The following DGKB variants were observed in gnomAD, a reference collection of about 807,000 sequenced individuals.
The protein encoded by DGKB is 90 kDa diacylglycerol kinase.
In DGKB, 67 loss-of-function variants were observed where a neutral mutation model predicts 114.3. The observed-to-expected ratio is 0.59, with a 90% CI of 0.48 to 0.72. DGKB has a LOEUF of 0.72. Ranked by LOEUF, DGKB falls within the 30% of genes least tolerant of loss-of-function variation. The pLI, the probability that DGKB is intolerant of heterozygous loss-of-function variation, is 0.00. For synonymous variants in DGKB, 398 were observed against 323.1 expected, an observed-to-expected ratio of 1.23 and a Z score of -2.49; for missense variants, 907 against 975.2, an observed-to-expected ratio of 0.93 and a Z score of 0.93.
intron 21 of DGKB, among the ~76,000 whole-genome samples, chr7:14,463,637 A>T (rs903142543): frequency 6.6e-6 from 1 of 152,186 alleles, no homozygotes; most frequent in Non-Finnish European, 1.5e-5. Context: ...CCTGAGCAAA[A>T]GAAGTCTTTT....
At chr7:14,744,156 C>T (rs1258587098) in intron 4 of DGKB, among the ~76,000 whole-genome samples, 1 of 152,196 alleles carries the variant, frequency 6.6e-6, no homozygotes. Flanking sequence ...AAGCTATACT[C>T]ATGTGAACAA....
chr7:14,261,866 G>C (rs1438859875), intron 23 of DGKB, among the ~76,000 whole-genome samples: 1 of 152,096 alleles, frequency 6.6e-6, no homozygotes. Context: ...TTCTTGGAAA[G>C]CAATTGGCAT....
chr7:14,800,713 T>C lies in DGKB; in HGVS notation c.70+40481A>G, dbSNP rs532736247. On this transcript the variant is annotated intron_variant, in intron 2 of 25. Coordinates refer to ENST00000402815, the MANE Select transcript of DGKB (RefSeq NM_001350709.2). ...CTATCAGGAGACCCAATGTTTCTAC[T>C]GAACTGGAAGTTAAGACTGCCAGGC... Among the ~76,000 whole-genome samples, 7 of 152,220 alleles carry C rather than the reference T, an allele frequency of 4.6e-5. No homozygotes were observed. In the South Asian group the frequency reaches 1.4e-3, roughly 32 times the overall value.
chr7:14,176,567 A>C, intron 25 of DGKB: 1 of 1,128,458 alleles, frequency 8.9e-7, no homozygotes, highest in Non-Finnish European at 1.1e-6. Flanking sequence ...TCCATAGTTT[A>C]TAATTGATCT....
intron 23 of DGKB, among the ~76,000 whole-genome samples, chr7:14,239,605 T>C (rs1250628674): frequency 1.3e-5 from 2 of 151,892 alleles, no homozygotes; most frequent in Non-Finnish European, 2.9e-5. Context: ...CATTTTAGGA[T>C]AGGAAAAAAG....
chr7:14,586,407 A>G (rs1453885981), intron 17 of DGKB, among the ~76,000 whole-genome samples: 1 of 152,094 alleles, frequency 6.6e-6, no homozygotes, highest in Non-Finnish European at 1.5e-5. Context: ...GTTTGATGCA[A>G]GCAGATGTTG....
At chr7:14,642,490 T>A (rs979333044) in intron 13 of DGKB, among the ~76,000 whole-genome samples, 7 of 152,166 alleles carry the variant, frequency 4.6e-5, no homozygotes, top group African/African-American at 1.7e-4. Flanking sequence ...CAAATACAAC[T>A]ACACCGATTA....
In DGKB at chr7:14,773,923, GA is replaced by G. The variant is rs34287259; in HGVS notation, c.71-16193del. On this transcript the variant is annotated intron_variant, in intron 2 of 25. Transcript: ENST00000402815. ...GTTTTGTAGTCTCTCGGCAAAGGGGGAAAAAGGCTCCTACACAATAAGCTCA... is the reference window on the plus strand; with the variant it reads ...GTTTTGTAGTCTCTCGGCAAAGGGGGAAAAGGCTCCTACACAATAAGCTCA... Among the ~76,000 whole-genome samples, 31 of 152,060 alleles carry G rather than the reference GA, an allele frequency of 2.0e-4. No homozygotes were observed. In the South Asian group the frequency reaches 2.7e-3, roughly 13 times the overall value.
chr7:14,924,919 C>T (rs114642731), intron 1 of DGKB, among the ~76,000 whole-genome samples: 1,800 of 152,242 alleles, frequency 0.012, 44 homozygotes, highest in African/African-American at 0.041. Flanking sequence ...CTCCCTGCTG[C>T]ACAGCTTCTC....
chr7:14,970,039 T>C (rs1489888251), intron 1 of DGKB, among the ~76,000 whole-genome samples: 1 of 152,198 alleles, frequency 6.6e-6, no homozygotes, highest in Non-Finnish European at 1.5e-5. Context: ...TTATGTGGCA[T>C]GTGACTGTAT....
intron 23 of DGKB, among the ~76,000 whole-genome samples, chr7:14,222,724 C>G (rs2128325745): frequency 6.6e-6 from 1 of 151,490 alleles, no homozygotes; most frequent in East Asian, 1.9e-4. Context: ...TTATTTCTAC[C>G]TAATTATTCT....
At position 14,694,108 on chromosome 7, in the gene DGKB, C is replaced by T. The variant is rs779959280; in HGVS notation, c.678G>A (p.Thr226=). 194 of 1,592,206 alleles carry T rather than the reference C, an allele frequency of 1.2e-4. 1 individual carries two copies. The Middle Eastern group carries it at 2.4e-3, about 20-fold the overall frequency. ...LEEWIQGGMT[T]IPLLVLLGLE... is the part of the protein sequence containing the mutation. ...AGCCCAGGAGCACAAGAAGTGGAATCGTTGTCATTCCTCCTTGAATCCATT... is the reference window on the plus strand; with the variant it reads ...AGCCCAGGAGCACAAGAAGTGGAATTGTTGTCATTCCTCCTTGAATCCATT... Residue 226 remains threonine (T), a synonymous_variant, in exon 9 of 26, where the codon ACG becomes ACA. Coordinates refer to ENST00000402815, the MANE Select transcript of DGKB (RefSeq NM_001350709.2).
intron 7 of DGKB, among the ~76,000 whole-genome samples, chr7:14,700,006 T>C (rs1327157109): frequency 2.6e-5 from 4 of 151,952 alleles, no homozygotes; most frequent in East Asian, 1.9e-4. Flanking sequence ...AAAGAAACAT[T>C]AAATAAAACA....
At chr7:14,151,321 T>G (rs1443576157) in intron 25 of DGKB, among the ~76,000 whole-genome samples, 1 of 151,980 alleles carries the variant, frequency 6.6e-6, no homozygotes, top group Non-Finnish European at 1.5e-5. Context: ...TAGCCATTTA[T>G]ATATATATGT....
chr7:14,456,487 A>G (rs1832304030), intron 21 of DGKB, among the ~76,000 whole-genome samples: 1 of 152,074 alleles, frequency 6.6e-6, no homozygotes, highest in Admixed American at 6.6e-5. Context: ...TGACTTTTCA[A>G]AGATGAAATT....
At chr7:14,711,153 G>T (rs956711831) in intron 6 of DGKB, among the ~76,000 whole-genome samples, 1 of 151,976 alleles carries the variant, frequency 6.6e-6, no homozygotes, top group Admixed American at 6.6e-5. Flanking sequence ...AGTGACTGAA[G>T]AAACTAATAT....
At chr7:14,740,491 A>C (rs1334480054) in intron 4 of DGKB, among the ~76,000 whole-genome samples, 1 of 152,042 alleles carries the variant, frequency 6.6e-6, no homozygotes, top group Non-Finnish European at 1.5e-5. Flanking sequence ...TTAGAGCTTC[A>C]CCTTAGCATT....
At chr7:14,282,755 C>A (rs1299999731) in intron 23 of DGKB, among the ~76,000 whole-genome samples, 2 of 152,030 alleles carry the variant, frequency 1.3e-5, no homozygotes, top group East Asian at 3.9e-4. Context: ...GAGCCAAAGA[C>A]AAAAACCACA....
chr7:14,444,619 T>A (rs993333120), intron 21 of DGKB, among the ~76,000 whole-genome samples: 2 of 151,838 alleles, frequency 1.3e-5, no homozygotes, highest in Admixed American at 1.3e-4. Flanking sequence ...ATAAATAACA[T>A]CTGATGTTTA....
Sources: allele counts gnomAD v4.1 joint callset (sites outside exome capture counted in the v4.1 genomes callset), GRCh38; gene constraint gnomAD v4.1.1; transcripts MANE v1.5; gene names NCBI Gene and HGNC (gene_info 2026-07-23, HGNC 2026-07-21).